Variants in ALS2CL observed in about 807,000 individuals in gnomAD.
The protein encoded by ALS2CL is ALS2 C-terminal-like protein.
A neutral mutation model predicts 127.9 loss-of-function variants in ALS2CL; 112 were observed. The ratio of observed to expected loss-of-function variants is 0.88; its 90% CI spans 0.75 to 1.02. The LOEUF (loss-of-function observed/expected upper bound fraction) is 1.02. Among genes scored for constraint, ALS2CL ranks in the 50% least tolerant of loss-of-function variants. The probability of loss-of-function intolerance (pLI) is 0.00; values close to 1 mark genes in which losing one functional copy is unlikely to be tolerated. For synonymous variants in ALS2CL, 519 were observed against 527.6 expected (o/e 0.98, Z 0.22); for missense variants, 1,174 against 1,236.7 (o/e 0.95, Z 0.76).
intron 22 of ALS2CL, among the ~76,000 whole-genome samples, chr3:46,672,866 G>T (rs368345240): frequency 2.0e-5 from 3 of 152,150 alleles, no homozygotes; most frequent in East Asian, 3.9e-4. Context: ...ATGGTAGTGA[G>T]CACTTGGCAG....
At position 46,681,981 on chromosome 3, in the gene ALS2CL, C is replaced by A; in HGVS notation, c.1175+48G>T. The A allele has an allele frequency of 1.9e-6, 3 of 1,598,558 alleles. No individual in the cohort carries two copies. Among genetic ancestry groups the A allele is most frequent in the East Asian group, 2.2e-5 (1 of 44,568 alleles). ...TGACCACAGCAGGGGAGGAAAGCAC[C>A]CTTCAGCCCACTGCACGCCTCCCAG... On this transcript the variant is annotated intron_variant, in intron 11 of 25. Transcript: ENST00000318962. This position sits in a 1 kb window ranked among gnomAD's most constrained non-coding sequence, Gnocchi z 4.9.
rs1296698150 is a variant in ALS2CL, at chr3:46,672,180, T to C, written c.2494A>G (p.Lys832Glu). 4 of 1,613,878 alleles carry C rather than the reference T, an allele frequency of 2.5e-6. No individual in the cohort carries two copies. The African/African-American group carries it at 5.3e-5, about 22-fold the overall frequency. The change falls in exon 23 of 26, where the codon AAG becomes GAG. Residue 832 changes from lysine (K) to glutamate (E), a missense_variant. Transcript: ENST00000318962. Reference sequence around the variant, plus strand: ...CACTCGGTGGCTGACAGGAAACACTTGTCCCTGACCAGGGAGTACCTCTGC... The same window carrying C: ...CACTCGGTGGCTGACAGGAAACACTCGTCCCTGACCAGGGAGTACCTCTGC... The part of the protein sequence containing the change: ...SNQRYSLVRD[K>E]CFLSATECLQ...
intron 22 of ALS2CL, 29 bp downstream of exon 22, chr3:46,673,310 C>G: frequency 1.9e-6 from 3 of 1,554,706 alleles, no homozygotes; most frequent in Non-Finnish European, 2.6e-6. Context: ...CTGGGGGCCC[C>G]TGGCTTGGGG....
chr3:46,678,836 CG>C (rs941138968), intron 15 of ALS2CL, among the ~76,000 whole-genome samples: 1 of 152,336 alleles, frequency 6.6e-6, no homozygotes, highest in East Asian at 1.9e-4. Context: ...AAGGCTCCAG[CG>C]GGGACACATT....
intron 14 of ALS2CL, 162 bp downstream of exon 14, chr3:46,680,268 T>G (rs1575426639): frequency 2.9e-6 from 2 of 678,828 alleles, no homozygotes; most frequent in East Asian, 2.7e-5. Context: ...CCAGGGGAGG[T>G]GGGTGGTAGA....
intron 4 of ALS2CL, 97 bp from the exon 5 acceptor site, chr3:46,687,245 A>T: frequency 7.3e-7 from 1 of 1,365,014 alleles, no homozygotes; most frequent in Non-Finnish European, 9.7e-7. Flanking sequence ...CTCAGATCCC[A>T]GGGCCAGCCC....
Position 46,678,271 on chromosome 3 carries a change from C to G in ALS2CL, c.1745G>C (p.Ser582Thr), listed in dbSNP as rs1417274651. The stretch of plus-strand genomic sequence containing the variant: ...GCCAGGCACTCACCTCTTGCAGGTA[C>G]TGCTCGGGTCTGGTGGGAGGGCAGC... Reference protein sequence around the residue: ...DTAALPPDPSSTCKRQLGVGA... With the variant: ...DTAALPPDPSTTCKRQLGVGA... Residue 582 changes from serine to threonine, a missense_variant, in exon 16 of 26, where the codon AGT becomes ACT. Ser to Thr is a moderately conservative substitution (Grantham distance 58, BLOSUM62 1). Coordinates refer to ENST00000318962, the MANE Select transcript of ALS2CL (RefSeq NM_147129.5). The G allele has an allele frequency of 2.5e-6, 4 of 1,595,732 alleles. No individual in the cohort carries two copies. In the South Asian group the frequency reaches 3.4e-5, roughly 13 times the overall value.
intron 25 of ALS2CL, 45 bp from the exon 26 acceptor site, chr3:46,671,109 C>T (rs772432807): frequency 6.4e-7 from 1 of 1,567,812 alleles, no homozygotes; most frequent in South Asian, 1.1e-5. Flanking sequence ...CCTGCCTGAT[C>T]CCAACCACAT....
chr3:46,684,955 C>T (rs762561446), intron 7 of ALS2CL, among the ~76,000 whole-genome samples: 1 of 152,172 alleles, frequency 6.6e-6, no homozygotes, highest in African/African-American at 2.4e-5. Context: ...GTGCTGTGGA[C>T]CTCACCAGGA....
At position 46,689,359 on chromosome 3, in the gene ALS2CL, G is replaced by T. The variant is rs750795653; in HGVS notation, c.82C>A (p.Leu28Ile). Residue 28 changes from leucine to isoleucine, a missense_variant, in exon 2 of 26, where the codon CTC becomes ATC. Physicochemically the swap from Leu to Ile is conservative, Grantham distance 5 (BLOSUM62 2). Transcript: ENST00000318962. The stretch of plus-strand genomic sequence containing the variant: ...TCACCGGCTGGGAGCAGGGGCTGGA[G>T]GACAAGGCTGTTGACATGGGCGAGG... ...ATLAHVNSLV[L>I]QPLLPAAPDP... 1 of 1,612,846 alleles carries T rather than the reference G, an allele frequency of 6.2e-7. No homozygotes were observed. The highest frequency in any genetic ancestry group is 1.7e-5 in the Admixed American group (1 of 60,004).
rs1219416554 is a variant in ALS2CL, at chr3:46,681,106, A to G, written c.1436+140T>C. ...TCGCTCAGCCTGAGCCTCCGCAGCA[A>G]CCGAGGGACTGGAGGGGAAGTGAGG... is the stretch of plus-strand genomic sequence containing the variant. On this transcript the variant is annotated intron_variant, in intron 13 of 25. Coordinates refer to ENST00000318962, the MANE Select transcript of ALS2CL (RefSeq NM_147129.5). This position sits in a 1 kb window ranked among gnomAD's most constrained non-coding sequence, Gnocchi z 4.9. The G allele has an allele frequency of 3.8e-5, 52 of 1,359,706 alleles. No individual in the cohort carries two copies. Among genetic ancestry groups the G allele is most frequent in the Non-Finnish European group, 5.3e-5 (51 of 960,390 alleles). 84.2% of individuals were successfully genotyped at this position (1,359,706 alleles called of 1,614,324 possible). A position where few individuals can be genotyped will look rare whatever the true frequency, so the allele number is the denominator to read the frequency against.
chr3:46,674,034 G>A (rs1410853063), intron 21 of ALS2CL, among the ~76,000 whole-genome samples: 1 of 152,130 alleles, frequency 6.6e-6, no homozygotes, highest in African/African-American at 2.4e-5. Context: ...GAGGCCCTGG[G>A]GTGTGGTAAA....
chr3:46,672,504 G>A (rs769041896), intron 22 of ALS2CL, among the ~76,000 whole-genome samples: 7 of 152,220 alleles, frequency 4.6e-5, no homozygotes, highest in Non-Finnish European at 7.3e-5. Context: ...TGCCTATGTC[G>A]ATGGTTCTCA....
intron 1 of ALS2CL, among the ~76,000 whole-genome samples, chr3:46,691,294 A>G (rs1700137618): frequency 6.6e-6 from 1 of 152,178 alleles, no homozygotes; most frequent in Non-Finnish European, 1.5e-5. Context: ...AGGTGAGGAT[A>G]TCCAAGCCTG....
At chr3:46,687,224 C>A in intron 4 of ALS2CL, 76 bp from the exon 5 acceptor site, 1 of 1,427,126 alleles carries the variant, frequency 7.0e-7, no homozygotes, top group Non-Finnish European at 9.2e-7. Context: ...CTCCCTGCCC[C>A]AGCTAATCCC....
In ALS2CL at chr3:46,681,690, A is replaced by C; in HGVS notation, c.1176-92T>G. On this transcript the variant is annotated intron_variant, in intron 11 of 25. Transcript: ENST00000318962. The surrounding 1 kb of genome is among the most constrained non-coding windows in gnomAD (Gnocchi z 4.9). ...CCACCCAGGAGTATCCCTGCCCCCA[A>C]GGAGCCTTCCAGACAACAGGGAGAC... 1 of 1,315,912 alleles carries C rather than the reference A, an allele frequency of 7.6e-7. No individual in the cohort carries two copies. The highest frequency in any genetic ancestry group is 1.1e-6 in the Non-Finnish European group (1 of 930,416). The allele number at this position is 1,315,912 out of a possible 1,614,324, so 81.5% of individuals were successfully genotyped here.
At chr3:46,672,571 C>T (rs1453629741) in intron 22 of ALS2CL, among the ~76,000 whole-genome samples, 2 of 152,210 alleles carry the variant, frequency 1.3e-5, no homozygotes, top group African/African-American at 2.4e-5. Context: ...ATTTCTGACT[C>T]GGTAGGTCTG....
At chr3:46,685,693 A>C (rs1699711289) in intron 6 of ALS2CL, 49 bp from the exon 7 acceptor site, 3 of 1,567,894 alleles carry the variant, frequency 1.9e-6, no homozygotes, top group East Asian at 4.7e-5. Context: ...TCTGTCCTGC[A>C]AGCTGCCTGC....
rs375534265 is a variant in ALS2CL at position 46,683,843 on chromosome 3, G to A, written c.851C>T (p.Thr284Met). 16 of 1,614,064 alleles carry A rather than the reference G, an allele frequency of 9.9e-6. No homozygotes were observed. Among genetic ancestry groups the A allele is most frequent in the African/African-American group, 4.0e-5 (3 of 74,924 alleles). Reference protein sequence around the residue: ...VWVDPGQDGCTFHLLTPEEEF... With the variant: ...VWVDPGQDGCMFHLLTPEEEF... ...TTCTTCGGGCGTGAGGAGGTGAAACGTGCACCTAGACAGACGGAGGTGATG... is the reference window on the plus strand; with the variant it reads ...TTCTTCGGGCGTGAGGAGGTGAAACATGCACCTAGACAGACGGAGGTGATG... Residue 284 changes from threonine to methionine, a missense_variant, in exon 9 of 26, where the codon ACG becomes ATG. Thr to Met is a moderately conservative substitution (Grantham distance 81, BLOSUM62 -1). Coordinates refer to ENST00000318962, the MANE Select transcript of ALS2CL (RefSeq NM_147129.5).
Sources: gnomAD v4.1 joint callset for allele counts (sites outside exome capture counted in the v4.1 genomes callset) on GRCh38, gnomAD v4.1.1 for gene constraint, Gnocchi (gnomAD v3.1) non-coding constraint, MANE v1.5 for transcripts, NCBI Gene and HGNC (gene_info 2026-07-23, HGNC 2026-07-21) for gene names.